PDZD9: variants seen among roughly 807,000 people sequenced by gnomAD.
PDZD9 encodes the protein PDZ domain-containing protein 9.
Under a neutral mutation model 16.3 loss-of-function variants are expected in PDZD9, and 13 were observed. The observed-to-expected ratio is 0.80, with a 90% CI of 0.52 to 1.27. The LOEUF (loss-of-function observed/expected upper bound fraction) is 1.27. PDZD9 is among the 50% of genes most tolerant of loss of function. The pLI is 0.00. For missense variants in PDZD9, 288 were observed against 310.9 expected (o/e 0.93, Z 0.55); for synonymous variants, 120 against 111.0 (o/e 1.08, Z -0.51).
chr16:21,971,613 C>T, the PDZD9 span: 1 of 1,613,810 alleles, frequency 6.2e-7, no homozygotes, highest in Non-Finnish European at 8.5e-7. Context: ...AGGCCAACTA[C>T]CGTGGAGGTA....
At chr16:21,991,431 GT>G (rs1899019860) in intron 2 of PDZD9, among the ~76,000 whole-genome samples, 1 of 152,036 alleles carries the variant, frequency 6.6e-6, no homozygotes, top group African/African-American at 2.4e-5. Flanking sequence ...TTGAAATGGG[GT>G]TTTGTCATGT....
At chr16:21,965,226 C>T in the PDZD9 span, among the ~76,000 whole-genome samples, 1 of 152,150 alleles carries the variant, frequency 6.6e-6, no homozygotes, top group Non-Finnish European at 1.5e-5. Flanking sequence ...TTTTTCTCAG[C>T]ACATTCTACT....
chr16:21,984,361 G>A lies in PDZD9; in HGVS notation c.701C>T (p.Ser234Phe), dbSNP rs144508102. The A allele has an allele frequency of 2.5e-6, 4 of 1,614,170 alleles. No homozygotes were observed. The African/African-American group carries it at 5.3e-5, about 22-fold the overall frequency. ...ATCTGAGGTAGAGGAGGTAGAGGAG[G>A]AAGAGCTTTCATTGTCTTGCTTCAC... ...IMVKQDNESS[S>F]SSTSSTSDAF... Residue 234 changes from serine (S) to phenylalanine (F), a missense_variant, in exon 4 of 4, where the codon TCC (serine) becomes TTC (phenylalanine). Transcript: ENST00000424898.
the PDZD9 span, among the ~76,000 whole-genome samples, chr16:21,964,569 G>A: frequency 6.6e-6 from 1 of 152,078 alleles, no homozygotes; most frequent in South Asian, 2.1e-4. Context: ...TATACTTTAT[G>A]CCTTTGTTTT....
At chr16:21,983,337 A>G, downstream of PDZD9, 1 of 576,332 alleles carries the variant, frequency 1.7e-6, no homozygotes, top group East Asian at 3.0e-5. Context: ...TCAATAAAAC[A>G]TTCTGTTTAA....
the PDZD9 span, among the ~76,000 whole-genome samples, chr16:21,974,969 T>A: frequency 6.6e-6 from 1 of 152,150 alleles, no homozygotes; most frequent in African/African-American, 2.4e-5. Flanking sequence ...AGACAAATAG[T>A]GAGGTACACA....
downstream of PDZD9, chr16:21,980,677 G>A (rs748748050): frequency 4.2e-5 from 68 of 1,614,004 alleles, no homozygotes; most frequent in East Asian, 1.5e-3. Context: ...GATTGATTCA[G>A]TGGCTAATGC....
downstream of PDZD9, among the ~76,000 whole-genome samples, chr16:21,981,656 A>G (rs1326047989): frequency 2.6e-5 from 4 of 151,444 alleles, no homozygotes; most frequent in African/African-American, 4.8e-5. Flanking sequence ...TCAGGAGCTC[A>G]TGGGGCTGAG....
At chr16:21,980,695 A>G, downstream of PDZD9, 13 of 1,612,084 alleles carry the variant, frequency 8.1e-6, no homozygotes, top group Non-Finnish European at 1.1e-5. Flanking sequence ...TGCTGATATC[A>G]TAAATGTAAG....
downstream of PDZD9, chr16:21,983,179 G>A: frequency 6.2e-7 from 1 of 1,612,328 alleles, no homozygotes; most frequent in South Asian, 1.1e-5. Context: ...TAATACTGAT[G>A]CACACATTAC....
At chr16:21,998,076 G>T (rs1199888539) in intron 1 of PDZD9, among the ~76,000 whole-genome samples, 1 of 152,144 alleles carries the variant, frequency 6.6e-6, no homozygotes, top group East Asian at 1.9e-4. Context: ...ATATAAACAA[G>T]ATACCATCTT....
rs1243051208 is a variant in PDZD9 at position 21,996,317 on chromosome 16, A to G, written c.211+5T>C. On this transcript the variant is annotated splice_donor_5th_base_variant and intron_variant, in intron 2 of 3. Transcript: ENST00000424898. ...GGTTGGGAAGCATGGCGAAAGGGCA[A>G]TCACCTGGCTGGAGTTTCCCGTCGT... is the stretch of plus-strand genomic sequence containing the variant. 2.6e-6 allele frequency: 4 copies of G among 1,534,354 alleles called. No homozygotes were observed. The highest frequency in any genetic ancestry group is 3.5e-6 in the Non-Finnish European group (4 of 1,146,312).
chr16:21,976,243 A>G, the PDZD9 span: 1 of 1,608,812 alleles, frequency 6.2e-7, no homozygotes, highest in Non-Finnish European at 8.5e-7. Context: ...CAAGCTGCCA[A>G]GTAAGTCTCA....
the PDZD9 span, chr16:21,962,153 C>T: frequency 1.3e-5 from 4 of 299,810 alleles, no homozygotes; most frequent in Non-Finnish European, 2.5e-5. Flanking sequence ...CCAGGTACCT[C>T]ATAAGTAGAA....
downstream of PDZD9, chr16:21,983,207 T>C: frequency 6.3e-7 from 1 of 1,585,232 alleles, no homozygotes; most frequent in Non-Finnish European, 8.6e-7. Flanking sequence ...AGCTGAACGT[T>C]CTCTCAGCCC....
At chr16:21,994,813 C>A (rs1475461266) in intron 2 of PDZD9, among the ~76,000 whole-genome samples, 1 of 151,998 alleles carries the variant, frequency 6.6e-6, no homozygotes, top group Non-Finnish European at 1.5e-5. Context: ...TCTCACTGAC[C>A]CTCATTAAGT....
chr16:21,983,021 A>G, downstream of PDZD9: 1 of 1,425,902 alleles, frequency 7.0e-7, no homozygotes, highest in Non-Finnish European at 9.7e-7. Flanking sequence ...TGACAAAATA[A>G]GTTCGCCTGC....
At chr16:21,965,428 G>A in the PDZD9 span, 1 of 1,613,878 alleles carries the variant, frequency 6.2e-7, no homozygotes, top group South Asian at 1.1e-5. Context: ...AAATTTGCAT[G>A]CAGCAGCTTA....
chr16:21,980,334 A>G (rs1427081719), downstream of PDZD9: 1 of 529,010 alleles, frequency 1.9e-6, no homozygotes, highest in African/African-American at 1.9e-5. Flanking sequence ...ACACTTTGGC[A>G]ACCCTGAAGA....
Sources: gnomAD v4.1 joint callset for allele counts (sites outside exome capture counted in the v4.1 genomes callset) on GRCh38, gnomAD v4.1.1 for gene constraint, MANE v1.5 for transcripts, NCBI Gene and HGNC (gene_info 2026-07-23, HGNC 2026-07-21) for gene names.